Variants in GRIN2B observed in about 807,000 individuals in gnomAD.
GRIN2B encodes the protein glutamate ionotropic receptor NMDA type subunit 2B.
GRIN2B carries 5 observed loss-of-function variants against 114.5 expected under a neutral mutation model. The observed-to-expected ratio is 0.04, with a 90% CI of 0.02 to 0.09. GRIN2B has a LOEUF of 0.09. Among genes scored for constraint, GRIN2B ranks in the 10% least tolerant of loss-of-function variants. The pLI, the probability that GRIN2B is intolerant of heterozygous loss-of-function variation, is 1.00. For missense variants in GRIN2B, 1,108 were observed against 1,943.5 expected (o/e 0.57, Z 8.08); for synonymous variants, 787 against 745.1 (o/e 1.06, Z -0.92).
intron 2 of GRIN2B, among the ~76,000 whole-genome samples, chr12:13,900,968 T>C (rs562277211): frequency 3.9e-5 from 6 of 152,252 alleles, no homozygotes; most frequent in South Asian, 2.1e-4. Context: ...GATTCCAACT[T>C]GGGGCAATTC....
At chr12:13,666,957 A>G (rs191459868) in intron 5 of GRIN2B, among the ~76,000 whole-genome samples, 16 of 152,340 alleles carry the variant, frequency 1.1e-4, no homozygotes, top group Non-Finnish European at 2.9e-5. Flanking sequence ...TTTTTATAAT[A>G]TACTGCTATA....
intron 4 of GRIN2B, among the ~76,000 whole-genome samples, chr12:13,687,708 T>C (rs949898849): frequency 5.3e-5 from 8 of 152,348 alleles, no homozygotes; most frequent in Non-Finnish European, 1.0e-4. Context: ...TCTGTTATAA[T>C]TTCATCTTTA....
rs1219357363 is a variant in GRIN2B, at chr12:13,624,175, A to G, written c.1126-7518T>C. ...AAATGTTAGCTGTATTTCAAAATTC[A>G]TATCTCTGAACTGGTCCTTAAGCCC... On this transcript the variant is annotated intron_variant, in intron 5 of 13. Coordinates refer to ENST00000609686, the MANE Select transcript of GRIN2B (RefSeq NM_000834.5). 3.9e-5 allele frequency among the ~76,000 whole-genome samples: 6 copies of G among 152,230 alleles called. No individual in the cohort carries two copies. In the East Asian group the frequency reaches 7.7e-4, roughly 20 times the overall value.
chr12:13,906,827 A>C (rs977429775), intron 2 of GRIN2B, among the ~76,000 whole-genome samples: 2 of 152,322 alleles, frequency 1.3e-5, no homozygotes, highest in Admixed American at 1.3e-4. Flanking sequence ...AAATTTTAGT[A>C]TTTAATATAA....
intron 3 of GRIN2B, among the ~76,000 whole-genome samples, chr12:13,801,865 G>T (rs934195776): frequency 6.6e-6 from 1 of 152,038 alleles, no homozygotes; most frequent in African/African-American, 2.4e-5. Flanking sequence ...CCTGGGAACT[G>T]CTCTGAGCTC....
At chr12:13,711,281 G>T (rs971501100) in intron 4 of GRIN2B, among the ~76,000 whole-genome samples, 5 of 151,890 alleles carry the variant, frequency 3.3e-5, no homozygotes, top group Non-Finnish European at 7.4e-5. Context: ...AACCCTAGAA[G>T]AAAACCTAGG....
chr12:13,654,357 G>A (rs1031381790), intron 5 of GRIN2B, among the ~76,000 whole-genome samples: 2 of 152,102 alleles, frequency 1.3e-5, no homozygotes, highest in African/African-American at 4.8e-5. Flanking sequence ...GTTGAGAAGT[G>A]GCAGGAAACA....
chr12:13,581,980 TA>T (rs1488140739), intron 10 of GRIN2B, among the ~76,000 whole-genome samples: 1 of 151,918 alleles, frequency 6.6e-6, no homozygotes, highest in Non-Finnish European at 1.5e-5. Flanking sequence ...CTCAAAGATC[TA>T]AGTTCAAATC....
At chr12:13,956,222 G>C (rs927160706) in intron 2 of GRIN2B, among the ~76,000 whole-genome samples, 1 of 152,192 alleles carries the variant, frequency 6.6e-6, no homozygotes, top group Non-Finnish European at 1.5e-5. Flanking sequence ...GGAGCAGAAA[G>C]AGGAGGAAGC....
intron 5 of GRIN2B, among the ~76,000 whole-genome samples, chr12:13,633,260 T>C (rs1949632617): frequency 6.6e-6 from 1 of 152,230 alleles, no homozygotes; most frequent in Non-Finnish European, 1.5e-5. Flanking sequence ...TGGGCATCAT[T>C]TGACATGCAC....
chr12:13,565,330 A>C (rs1385757726), intron 13 of GRIN2B, among the ~76,000 whole-genome samples: 1 of 152,208 alleles, frequency 6.6e-6, no homozygotes, highest in African/African-American at 2.4e-5. Flanking sequence ...ATTGGGAAAA[A>C]CAGCCAGTAC....
At chr12:13,696,525 A>G (rs763097679) in intron 4 of GRIN2B, among the ~76,000 whole-genome samples, 1 of 152,166 alleles carries the variant, frequency 6.6e-6, no homozygotes, top group Non-Finnish European at 1.5e-5. Flanking sequence ...CCAGGAATAA[A>G]AAAGTTGCTA....
chr12:13,844,811 A>T (rs1246364109), intron 3 of GRIN2B, among the ~76,000 whole-genome samples: 1 of 152,226 alleles, frequency 6.6e-6, no homozygotes, highest in East Asian at 1.9e-4. Context: ...GTATCAAATT[A>T]AGGTAAAGTA....
At chr12:13,675,880 G>T (rs774226880) in intron 4 of GRIN2B, 21 bp from the exon 5 acceptor site, 3 of 1,364,466 alleles carry the variant, frequency 2.2e-6, no homozygotes, top group Non-Finnish European at 3.1e-6. Flanking sequence ...AAAATAAAAG[G>T]AAGATTAAAA....
At chr12:13,809,464 A>G (rs1864685471) in intron 3 of GRIN2B, among the ~76,000 whole-genome samples, 1 of 152,182 alleles carries the variant, frequency 6.6e-6, no homozygotes, top group Non-Finnish European at 1.5e-5. Flanking sequence ...GGATTAAAAG[A>G]GATAATAATG....
intron 10 of GRIN2B, among the ~76,000 whole-genome samples, chr12:13,597,283 C>T (rs1949086355): frequency 6.6e-6 from 1 of 152,188 alleles, no homozygotes; most frequent in South Asian, 2.1e-4. Flanking sequence ...GCACTGACTT[C>T]CCAAAGCTGG....
At chr12:13,924,218 A>C (rs1342832711) in intron 2 of GRIN2B, among the ~76,000 whole-genome samples, 1 of 152,206 alleles carries the variant, frequency 6.6e-6, no homozygotes, top group Admixed American at 6.5e-5. Context: ...TATGGATAAG[A>C]TATCTAGGAT....
chr12:13,825,457 A>G (rs1224237537), intron 3 of GRIN2B, among the ~76,000 whole-genome samples: 2 of 146,102 alleles, frequency 1.4e-5, no homozygotes, highest in Non-Finnish European at 3.0e-5. Flanking sequence ...GGTAGATTTT[A>G]TATATATATA....
intron 2 of GRIN2B, among the ~76,000 whole-genome samples, chr12:13,959,438 T>C (rs1187319281): frequency 6.6e-6 from 1 of 151,888 alleles, no homozygotes; most frequent in Non-Finnish European, 1.5e-5. Flanking sequence ...GATTGGTGAG[T>C]AGAGAAAACA....
Sources: gnomAD v4.1 joint callset for allele counts (sites outside exome capture counted in the v4.1 genomes callset) on GRCh38, gnomAD v4.1.1 for gene constraint, MANE v1.5 for transcripts, NCBI Gene and HGNC (gene_info 2026-07-23, HGNC 2026-07-21) for gene names.